The following PRR11 variants were observed in gnomAD, a reference collection of about 807,000 sequenced individuals.
The protein encoded by PRR11 is proline-rich protein 11.
A neutral mutation model predicts 45.6 loss-of-function variants in PRR11; 30 were observed. The ratio of observed to expected loss-of-function variants is 0.66; its 90% CI spans 0.49 to 0.89. The LOEUF (loss-of-function observed/expected upper bound fraction) is 0.89, where lower values mean the gene tolerates loss of function less well. Among genes scored for constraint, PRR11 ranks in the 40% least tolerant of loss-of-function variants. The pLI is 0.00. For missense variants in PRR11, 373 were observed against 424.8 expected, an observed-to-expected ratio of 0.88 and a Z score of 1.07; for synonymous variants, 128 against 153.5, an observed-to-expected ratio of 0.83 and a Z score of 1.23.
chr17:59,181,666 G>T, intron 2 of PRR11: 1 of 1,536,278 alleles, frequency 6.5e-7, no homozygotes, highest in East Asian at 2.3e-5. Flanking sequence ...CTCCTCCGAT[G>T]ACTCCTCAGA....
At chr17:59,190,268 G>A (rs553504926) in intron 4 of PRR11, among the ~76,000 whole-genome samples, 16 of 152,164 alleles carry the variant, frequency 1.1e-4, no homozygotes, top group South Asian at 1.0e-3. Flanking sequence ...TCAGGAGATC[G>A]AGACCATCCT....
intron 9 of PRR11, among the ~76,000 whole-genome samples, chr17:59,200,617 C>T (rs144451833): frequency 0.022 from 3,415 of 152,214 alleles, 74 homozygotes; most frequent in Non-Finnish European, 0.038. Flanking sequence ...CTCAGCCTCC[C>T]GAATAGCTGG....
At chr17:59,157,372 A>C (rs1418166867) in intron 1 of PRR11, among the ~76,000 whole-genome samples, 2 of 152,192 alleles carry the variant, frequency 1.3e-5, no homozygotes, top group African/African-American at 4.8e-5. Flanking sequence ...AAAGTGCTAT[A>C]GAAGTGCAAA....
intron 2 of PRR11, chr17:59,179,835 T>C (rs2046771089): frequency 7.4e-7 from 1 of 1,348,376 alleles, no homozygotes; most frequent in East Asian, 2.4e-5. Context: ...CTCTTCCTTT[T>C]CCAGCAAAGG....
chr17:59,176,678 T>TA (rs1029057975), intron 2 of PRR11, among the ~76,000 whole-genome samples: 1 of 147,574 alleles, frequency 6.8e-6, no homozygotes, highest in African/African-American at 2.5e-5. Context: ...AATTTGGTTT[T>TA]TTTGGCTTTT....
chr17:59,169,990 T>A, intron 2 of PRR11, 110 bp downstream of exon 2: 1 of 1,365,436 alleles, frequency 7.3e-7, no homozygotes, highest in Non-Finnish European at 9.8e-7. Context: ...CAGTCATTCA[T>A]TCCTGTAATC....
At chr17:59,168,523 C>A (rs539078441) in intron 1 of PRR11, among the ~76,000 whole-genome samples, 1 of 151,674 alleles carries the variant, frequency 6.6e-6, no homozygotes, top group East Asian at 2.0e-4. Flanking sequence ...TGCCTGTAAT[C>A]CCAGCACTTT....
intron 2 of PRR11, among the ~76,000 whole-genome samples, chr17:59,176,508 G>T (rs2046746497): frequency 6.6e-6 from 1 of 151,954 alleles, no homozygotes; most frequent in African/African-American, 2.4e-5. Context: ...GGAGGTCGAT[G>T]GCGTTTGCAG....
chr17:59,194,302 CACAA>C (rs987054699), intron 5 of PRR11, among the ~76,000 whole-genome samples: 1 of 149,884 alleles, frequency 6.7e-6, no homozygotes, highest in African/African-American at 2.5e-5. Context: ...CACACACACA[CACAA>C]AACAAAACCT....
intron 5 of PRR11, among the ~76,000 whole-genome samples, 185 bp downstream of exon 5, chr17:59,193,919 A>G (rs574677635): frequency 1.3e-5 from 2 of 152,308 alleles, no homozygotes; most frequent in South Asian, 2.1e-4. Flanking sequence ...AATTCCTAGA[A>G]GCTGGATTGA....
In PRR11 at chr17:59,182,432, C is replaced by T. The variant is rs1194049159; in HGVS notation, c.129-2622C>T. On this transcript the variant is annotated intron_variant, in intron 2 of 9. Coordinates refer to ENST00000262293, the MANE Select transcript of PRR11 (RefSeq NM_018304.4). ...TTTGAGACAGTGTCTCACTCTCTCA[C>T]CCAGACTGGAGTGCGGTAGCACAAT... 2.7e-5 allele frequency among the ~76,000 whole-genome samples: 4 copies of T among 145,568 alleles called. 1 individual carries two copies. The East Asian group carries it at 8.2e-4, about 30-fold the overall frequency.
chr17:59,182,622 A>G (rs1363648330), intron 2 of PRR11, among the ~76,000 whole-genome samples: 1 of 140,532 alleles, frequency 7.1e-6, no homozygotes, highest in Non-Finnish European at 1.6e-5. Flanking sequence ...TGAACTCCTG[A>G]CCTCAGGTGA....
intron 1 of PRR11, among the ~76,000 whole-genome samples, chr17:59,163,214 C>G (rs1038689621): frequency 2.6e-5 from 4 of 152,110 alleles, no homozygotes; most frequent in Admixed American, 2.6e-4. Flanking sequence ...CCTCAGCCTC[C>G]CAGATAGCTG....
intron 2 of PRR11, among the ~76,000 whole-genome samples, chr17:59,172,169 T>G (rs894187959): frequency 6.6e-6 from 1 of 152,218 alleles, no homozygotes; most frequent in Non-Finnish European, 1.5e-5. Flanking sequence ...CTAATCTGAG[T>G]GTCTGCACTG....
At position 59,193,661 on chromosome 17, in the gene PRR11, C is replaced by T. The variant is rs760024582; in HGVS notation, c.572C>T (p.Pro191Leu). 6.2e-7 allele frequency: 1 copy of T among 1,614,150 alleles called. No homozygotes were observed. Among genetic ancestry groups the T allele is most frequent in the Non-Finnish European group, 8.5e-7 (1 of 1,179,982 alleles). ...ASHFPPPPPP[P>L]PLPPPPPPLA... is the part of the protein sequence containing the mutation. Reference sequence around the variant, plus strand: ...CATTTTCCTCCTCCTCCTCCACCTCCACCTCTGCCACCTCCTCCACCACCA... The same window carrying T: ...CATTTTCCTCCTCCTCCTCCACCTCTACCTCTGCCACCTCCTCCACCACCA... The change falls in exon 5 of 10, where the codon CCA becomes CTA. Residue 191 changes from proline (P) to leucine (L), a missense_variant. Transcript: ENST00000262293.
At chr17:59,171,526 G>A (rs1220117442) in intron 2 of PRR11, among the ~76,000 whole-genome samples, 1 of 151,848 alleles carries the variant, frequency 6.6e-6, no homozygotes, top group Non-Finnish European at 1.5e-5. Context: ...CTCTTAAAAA[G>A]GAAAACAAAA....
intron 2 of PRR11, among the ~76,000 whole-genome samples, chr17:59,170,678 A>C: frequency 6.6e-6 from 1 of 152,160 alleles, no homozygotes; most frequent in African/African-American, 2.4e-5. Flanking sequence ...CATGACCTCC[A>C]AAAGTGCTGG....
Position 59,183,919 on chromosome 17 carries a change from A to C in PRR11, c.129-1135A>C, listed in dbSNP as rs575390534. On this transcript the variant is annotated intron_variant, in intron 2 of 9. Transcript: ENST00000262293. ...TCAAGACCAGTGTAGGCAACATAGC[A>C]TGACCCCATCTCTAAAAAAACAAAA... Among the ~76,000 whole-genome samples, 3 of 152,000 alleles carry C rather than the reference A, an allele frequency of 2.0e-5. No individual in the cohort carries two copies. The South Asian group carries it at 6.2e-4, about 32-fold the overall frequency.
chr17:59,190,538 A>G (rs986249382), intron 4 of PRR11, among the ~76,000 whole-genome samples: 1 of 152,190 alleles, frequency 6.6e-6, no homozygotes, highest in Non-Finnish European at 1.5e-5. Context: ...CTTCACTAAG[A>G]AAGCACCTAG....
Sources: gnomAD v4.1 joint callset for allele counts (sites outside exome capture counted in the v4.1 genomes callset) on GRCh38, gnomAD v4.1.1 for gene constraint, MANE v1.5 for transcripts, NCBI Gene and HGNC (gene_info 2026-07-23, HGNC 2026-07-21) for gene names.